The following KCNH7 variants were observed in gnomAD, a reference collection of about 807,000 sequenced individuals.
KCNH7 encodes the protein potassium voltage-gated channel subfamily H member 7, also known as voltage-gated inwardly rectifying potassium channel KCNH7.
KCNH7 carries 49 observed loss-of-function variants against 120.8 expected under a neutral mutation model. The ratio of observed to expected loss-of-function variants is 0.41; its 90% CI spans 0.32 to 0.51. KCNH7 has a LOEUF of 0.51. Ranked by LOEUF, KCNH7 falls within the 20% of genes least tolerant of loss-of-function variation. KCNH7 has a pLI of 0.38. For missense variants in KCNH7, 1,097 were observed against 1,446.6 expected (o/e 0.76, Z 3.92); for synonymous variants, 547 against 516.1 (o/e 1.06, Z -0.81).
rs1002474248 is a variant in KCNH7, at chr2:162,737,032, C to G, written c.307+99505G>C. Among the ~76,000 whole-genome samples the G allele has an allele frequency of 2.0e-5, 3 of 152,106 alleles. No homozygotes were observed. In the East Asian group the frequency reaches 5.8e-4, roughly 29 times the overall value. ...TTCTGGAAATAACACACTCCAAACT[C>G]TAACTAAGAGAGAAAGAAAATCTCA... On this transcript the variant is annotated intron_variant, in intron 2 of 15. Coordinates refer to ENST00000332142, the MANE Select transcript of KCNH7 (RefSeq NM_033272.4).
At chr2:162,787,357 T>C (rs956455929) in intron 2 of KCNH7, among the ~76,000 whole-genome samples, 3 of 152,040 alleles carry the variant, frequency 2.0e-5, no homozygotes, top group Non-Finnish European at 4.4e-5. Context: ...ACCCAGGCTC[T>C]AGGCCCACTC....
intron 7 of KCNH7, among the ~76,000 whole-genome samples, chr2:162,443,407 A>G (rs1376080827): frequency 6.6e-6 from 1 of 152,196 alleles, no homozygotes; most frequent in Non-Finnish European, 1.5e-5. Flanking sequence ...TTTCATCTGA[A>G]TAAATGCATT....
At chr2:162,667,994 G>A (rs1685205111) in intron 2 of KCNH7, among the ~76,000 whole-genome samples, 6 of 152,160 alleles carry the variant, frequency 3.9e-5, no homozygotes, top group Admixed American at 3.9e-4. Context: ...ATATAAGCTA[G>A]TTTTTAAAAG....
intron 8 of KCNH7, among the ~76,000 whole-genome samples, chr2:162,433,474 G>C (rs905511565): frequency 6.6e-6 from 1 of 151,898 alleles, no homozygotes; most frequent in Admixed American, 6.6e-5. Flanking sequence ...AAATAAAGCT[G>C]CACACCTACA....
chr2:162,439,050 C>A (rs942751426), intron 7 of KCNH7, among the ~76,000 whole-genome samples: 4 of 152,058 alleles, frequency 2.6e-5, no homozygotes, highest in African/African-American at 9.7e-5. Context: ...GTGCTAAGAT[C>A]AGAATTTGAC....
rs1692098954 is a variant in KCNH7 at position 162,536,120 on chromosome 2, A to C, written c.463+805T>G. ...TGAAAGCTTTTCTAATTATGTCTCA[A>C]AAATTCAGATGCAATAAAGGAAAGG... is the stretch of plus-strand genomic sequence containing the variant. On this transcript the variant is annotated intron_variant, in intron 3 of 15. Transcript: ENST00000332142. 2.0e-5 allele frequency among the ~76,000 whole-genome samples: 3 copies of C among 151,886 alleles called. No individual in the cohort carries two copies. In the South Asian group the frequency reaches 6.2e-4, roughly 31 times the overall value.
chr2:162,601,031 T>G (rs113446658), intron 2 of KCNH7, among the ~76,000 whole-genome samples: 5 of 152,182 alleles, frequency 3.3e-5, no homozygotes, highest in Non-Finnish European at 7.4e-5. Flanking sequence ...TGCTCTAAGA[T>G]TCAATAAGAA....
At chr2:162,378,071 A>G (rs1245185453) in intron 14 of KCNH7, among the ~76,000 whole-genome samples, 2 of 152,234 alleles carry the variant, frequency 1.3e-5, no homozygotes, top group Non-Finnish European at 2.9e-5. Flanking sequence ...GGTCCAAGTC[A>G]GGAATTATAC....
intron 2 of KCNH7, among the ~76,000 whole-genome samples, chr2:162,652,227 G>A (rs184179255): frequency 1.3e-5 from 2 of 152,268 alleles, no homozygotes; most frequent in East Asian, 1.9e-4. Flanking sequence ...CTACACATTA[G>A]CAGTGTATTC....
intron 2 of KCNH7, among the ~76,000 whole-genome samples, chr2:162,665,002 C>T (rs1418489373): frequency 6.6e-6 from 1 of 152,056 alleles, no homozygotes; most frequent in East Asian, 1.9e-4. Flanking sequence ...TGGTCTTTCT[C>T]TACTTCTTTC....
intron 6 of KCNH7, among the ~76,000 whole-genome samples, chr2:162,450,486 A>C (rs965217154): frequency 2.0e-5 from 3 of 152,088 alleles, no homozygotes; most frequent in Non-Finnish European, 2.9e-5. Flanking sequence ...CAACTTCAAA[A>C]AGCTTTATTT....
At chr2:162,657,297 G>A (rs1684798261) in intron 2 of KCNH7, among the ~76,000 whole-genome samples, 1 of 152,088 alleles carries the variant, frequency 6.6e-6, no homozygotes, top group African/African-American at 2.4e-5. Flanking sequence ...AATAACCTCT[G>A]TTCTCCACTC....
At chr2:162,427,713 T>A (rs1400201506) in intron 8 of KCNH7, among the ~76,000 whole-genome samples, 4 of 151,942 alleles carry the variant, frequency 2.6e-5, no homozygotes, top group Admixed American at 2.6e-4. Flanking sequence ...AAATCCAATT[T>A]ATCAATTTTT....
chr2:162,375,544 A>G (rs1278657914), intron 14 of KCNH7, among the ~76,000 whole-genome samples: 1 of 152,212 alleles, frequency 6.6e-6, no homozygotes, highest in African/African-American at 2.4e-5. Flanking sequence ...TGGGTAGTTC[A>G]ACAAAGGGCA....
chr2:162,394,520 T>C (rs761360288), intron 11 of KCNH7, 35 bp from the exon 12 acceptor site: 1 of 1,207,240 alleles, frequency 8.3e-7, no homozygotes, highest in Non-Finnish European at 1.2e-6. Context: ...AAATGAAAGA[T>C]TACTGAATTA....
intron 2 of KCNH7, among the ~76,000 whole-genome samples, chr2:162,617,059 G>T (rs1376523068): frequency 1.3e-5 from 2 of 152,114 alleles, no homozygotes; most frequent in Admixed American, 1.3e-4. Flanking sequence ...AAAATTTAAG[G>T]TTGGGGAGGG....
chr2:162,389,082 T>C (rs776344615), intron 12 of KCNH7, among the ~76,000 whole-genome samples: 1 of 152,164 alleles, frequency 6.6e-6, no homozygotes, highest in South Asian at 2.1e-4. Context: ...CTTCGGTTGT[T>C]ACAGGCACAT....
intron 7 of KCNH7, among the ~76,000 whole-genome samples, chr2:162,441,476 G>T (rs1202666042): frequency 1.3e-5 from 2 of 151,966 alleles, no homozygotes; most frequent in Non-Finnish European, 2.9e-5. Context: ...GGCCTTCTTT[G>T]CTTGTATTCA....
At chr2:162,469,842 G>T (rs1379561822) in intron 6 of KCNH7, among the ~76,000 whole-genome samples, 2 of 152,112 alleles carry the variant, frequency 1.3e-5, no homozygotes, top group African/African-American at 4.8e-5. Flanking sequence ...GAGTGCCTGC[G>T]ATTGCAGGCG....
Sources: allele counts gnomAD v4.1 joint callset (sites outside exome capture counted in the v4.1 genomes callset), GRCh38; gene constraint gnomAD v4.1.1; transcripts MANE v1.5; gene names NCBI Gene and HGNC (gene_info 2026-07-23, HGNC 2026-07-21).